PKD1L3: variants seen among roughly 807,000 people sequenced by gnomAD.
PKD1L3 encodes the protein polycystin-1-like protein 3.
PKD1L3 carries 239 observed loss-of-function variants against 184.1 expected under a neutral mutation model. That is an observed-to-expected ratio of 1.30 (90% CI 1.17 to 1.45). The LOEUF (loss-of-function observed/expected upper bound fraction) is 1.45, where lower values mean the gene tolerates loss of function less well. Among genes scored for constraint, PKD1L3 ranks in the 40% most tolerant of loss-of-function variants. The pLI, the probability that PKD1L3 is intolerant of heterozygous loss-of-function variation, is 0.00. For synonymous variants in PKD1L3, 996 were observed against 778.8 expected (o/e 1.28, Z -4.64); for missense variants, 2,660 against 2,067.2 (o/e 1.29, Z -5.56).
Position 71,933,495 on chromosome 16 carries a change from G to A in PKD1L3, c.4851C>T (p.Ile1617=), listed in dbSNP as rs764136474. The change falls in exon 28 of 30, where the codon ATC becomes ATT. Residue 1617 remains isoleucine, a synonymous_variant. Coordinates refer to ENST00000620267, the MANE Select transcript of PKD1L3 (RefSeq NM_181536.2). ...AGCTGAAAAATGTCCGGTAGTCAGA[G>A]ATGCTGCATCCAAACAGCAGGTTAA... The part of the protein sequence containing the change: ...IAFNLLFGCS[I]SDYRTFFSSA... 2.2e-5 allele frequency: 34 copies of A among 1,551,576 alleles called. No homozygotes were observed. Among genetic ancestry groups the A allele is most frequent in the Admixed American group, 9.8e-5 (5 of 50,978 alleles).
rs34696037 is a variant in PKD1L3, at chr16:71,940,129, T to TAC, written c.4324+2430_4324+2431insGT. On this transcript the variant is annotated intron_variant, in intron 24 of 29. Coordinates refer to ENST00000620267, the MANE Select transcript of PKD1L3 (RefSeq NM_181536.2). ...CATCAACTGAAAGTCAATATATATA[T>TAC]AAACAACAACTAGATTCCAAATTTC... Among the ~76,000 whole-genome samples the TAC allele has an allele frequency of 2.0e-5, 3 of 151,792 alleles. No homozygotes were observed. In the East Asian group the frequency reaches 5.8e-4, roughly 29 times the overall value.
At chr16:71,968,786 G>A (rs775126650) in intron 13 of PKD1L3, among the ~76,000 whole-genome samples, 1 of 152,120 alleles carries the variant, frequency 6.6e-6, no homozygotes, top group Admixed American at 6.6e-5. Flanking sequence ...AGTAGAGACA[G>A]GGTTTCACCA....
intron 24 of PKD1L3, among the ~76,000 whole-genome samples, chr16:71,940,483 C>G (rs2038323585): frequency 6.6e-6 from 1 of 152,006 alleles, no homozygotes; most frequent in Non-Finnish European, 1.5e-5. Context: ...TGCATGGGCA[C>G]AGAGCTTTGT....
At chr16:71,979,979 A>G (rs1290541472) in intron 8 of PKD1L3, 28 bp downstream of exon 8, 1 of 1,549,958 alleles carries the variant, frequency 6.5e-7, no homozygotes, top group East Asian at 2.4e-5. Context: ...ACACAGTGAA[A>G]CTCTCCCCGT....
At chr16:71,973,022 T>C (rs2039776842) in intron 12 of PKD1L3, among the ~76,000 whole-genome samples, 1 of 152,212 alleles carries the variant, frequency 6.6e-6, no homozygotes, top group East Asian at 1.9e-4. Flanking sequence ...CCACAACATA[T>C]TTAATACTTG....
intron 16 of PKD1L3, among the ~76,000 whole-genome samples, chr16:71,958,121 C>T (rs2039117275): frequency 1.3e-5 from 2 of 151,772 alleles, no homozygotes; most frequent in Non-Finnish European, 2.9e-5. Context: ...GGCGCGGTGG[C>T]TCACGCCTGT....
chr16:71,944,698 T>G (rs2038494416), intron 22 of PKD1L3, among the ~76,000 whole-genome samples: 1 of 70,018 alleles, frequency 1.4e-5, no homozygotes. Context: ...ATATCTGTTT[T>G]TTGTTTGTTT....
chr16:71,995,831 A>T (rs2040764277), intron 2 of PKD1L3, among the ~76,000 whole-genome samples: 1 of 152,236 alleles, frequency 6.6e-6, no homozygotes, highest in African/African-American at 2.4e-5. Context: ...TTATAAATAT[A>T]TACAGATTAT....
chr16:71,969,990 A>C lies in PKD1L3; in HGVS notation c.2069T>G (p.Leu690Arg). 1 of 1,551,776 alleles carries C rather than the reference A, an allele frequency of 6.4e-7. No homozygotes were observed. Among genetic ancestry groups the C allele is most frequent in the Non-Finnish European group, 8.7e-7 (1 of 1,147,022 alleles). ...RTVNVEDTIK[L>R]FLRVTNNPVG... is the part of the protein sequence containing the mutation. ...AGGATTGTTGGTCACGCGAAGGAACAGTTTGATCGTGTCTTCAACATTCAC... is the reference window on the plus strand; with the variant it reads ...AGGATTGTTGGTCACGCGAAGGAACCGTTTGATCGTGTCTTCAACATTCAC... Residue 690 changes from leucine to arginine, a missense_variant, in exon 13 of 30, where the codon CTG (leucine) becomes CGG (arginine). Coordinates refer to ENST00000620267, the MANE Select transcript of PKD1L3 (RefSeq NM_181536.2).
At position 71,979,824 on chromosome 16, in the gene PKD1L3, T is replaced by C. The variant is rs1442380966; in HGVS notation, c.1360A>G (p.Lys454Glu). 3 of 1,515,224 alleles carry C rather than the reference T, an allele frequency of 2.0e-6. No homozygotes were observed. The highest frequency in any genetic ancestry group is 2.6e-6 in the Non-Finnish European group (3 of 1,137,636). The allele number at this position is 1,515,224 out of a possible 1,614,324, so 93.9% of individuals were successfully genotyped here. A position where few individuals can be genotyped will look rare whatever the true frequency, so the allele number is the denominator to read the frequency against. ...RLGFPSALAL[K>E]ELLNKHPGVN... The stretch of plus-strand genomic sequence containing the variant: ...CCTGGATGTTTATTCAAGAGCTCCT[T>C]CAAAGCTAAAGCCGACGGAAAGCCT... The change falls in exon 9 of 30, where the codon AAG becomes GAG. Residue 454 changes from lysine to glutamate, a missense_variant. Coordinates refer to ENST00000620267, the MANE Select transcript of PKD1L3 (RefSeq NM_181536.2).
In PKD1L3 at chr16:71,982,168, T is replaced by C. The variant is rs370041301; in HGVS notation, c.1034A>G (p.Asn345Ser). ...ELLRIPFQNN[N>S]SLGFKVPPTV... is the part of the protein sequence containing the mutation. ...TGGAGGAACTTTGAAGCCCAGACTG[T>C]TGTTGTTCTGAAATGGGATCCTGAG... The change falls in exon 7 of 30, where the codon AAC becomes AGC. Residue 345 changes from asparagine to serine, a missense_variant. Transcript: ENST00000620267. 1 of 1,550,980 alleles carries C rather than the reference T, an allele frequency of 6.4e-7. No individual in the cohort carries two copies. Among genetic ancestry groups the C allele is most frequent in the Non-Finnish European group, 8.7e-7 (1 of 1,146,664 alleles).
chr16:71,974,933 T>C (rs1195330511), intron 11 of PKD1L3, among the ~76,000 whole-genome samples: 3 of 151,536 alleles, frequency 2.0e-5, no homozygotes, highest in Non-Finnish European at 4.4e-5. Context: ...TTCAGATTTT[T>C]CCCAACGTAA....
At chr16:71,980,377 C>A (rs901167553) in intron 7 of PKD1L3, among the ~76,000 whole-genome samples, 5 of 152,116 alleles carry the variant, frequency 3.3e-5, no homozygotes, top group Non-Finnish European at 5.9e-5. Flanking sequence ...CATATAATTG[C>A]CCTAGACCTG....
At chr16:71,932,666 A>G (rs1347413309) in intron 28 of PKD1L3, among the ~76,000 whole-genome samples, 1 of 150,728 alleles carries the variant, frequency 6.6e-6, no homozygotes, top group Non-Finnish European at 1.5e-5. Flanking sequence ...TTTATTAGAG[A>G]TGGGGTTTCA....
chr16:71,994,750 G>A (rs76015741), intron 2 of PKD1L3, among the ~76,000 whole-genome samples: 12,993 of 152,066 alleles, frequency 0.085, 750 homozygotes, highest in Middle Eastern at 0.13. Context: ...TGTAATCCCC[G>A]CACTTAGGGA....
chr16:71,932,461 C>A lies in PKD1L3; in HGVS notation c.4926+959G>T, dbSNP rs113572388. ...CTCTTAGAACTGTACCTTCCTAATT[C>A]TTTGTCACTTCCATTATGTCACTTT... On this transcript the variant is annotated intron_variant, in intron 28 of 29. Transcript: ENST00000620267. Among the ~76,000 whole-genome samples, 66 of 151,462 alleles carry A rather than the reference C, an allele frequency of 4.4e-4. 1 individual carries two copies. Among genetic ancestry groups the A allele is most frequent in the African/African-American group, 1.5e-3 (60 of 41,118 alleles).
At chr16:71,946,503 T>C (rs1301431582) in intron 22 of PKD1L3, among the ~76,000 whole-genome samples, 1 of 151,910 alleles carries the variant, frequency 6.6e-6, no homozygotes, top group African/African-American at 2.4e-5. Context: ...TTGCCCAAGA[T>C]TGTGTTTGTG....
chr16:71,934,098 T>C lies in PKD1L3; in HGVS notation c.4641A>G (p.Lys1547=), dbSNP rs1454321041. 3.2e-6 allele frequency: 5 copies of C among 1,551,920 alleles called. No homozygotes were observed. The South Asian group carries it at 5.9e-5, about 18-fold the overall frequency. ...CAAGGTGAGTCGCAGCAGAGTTCACTTTTACTGCCTCATAGAAGCTGATGA... is the reference window on the plus strand; with the variant it reads ...CAAGGTGAGTCGCAGCAGAGTTCACCTTTACTGCCTCATAGAAGCTGATGA... ...DRFISFYEAV[K]VNSAATHLVG... is the part of the protein sequence containing the mutation. The change falls in exon 27 of 30, where the codon AAA becomes AAG. Residue 1547 remains lysine (K), a synonymous_variant. Transcript: ENST00000620267.
rs923998566 is a variant in PKD1L3, at chr16:71,987,073, C to A, written c.586-604G>T. 2.0e-5 allele frequency among the ~76,000 whole-genome samples: 3 copies of A among 151,290 alleles called. No individual in the cohort carries two copies. The South Asian group carries it at 6.3e-4, about 32-fold the overall frequency. ...CTCAGTAGCTGGGATTACAGGCGTG[C>A]ACCACCATGCCCGGCTAATTTTTGT... On this transcript the variant is annotated intron_variant, in intron 4 of 29. Transcript: ENST00000620267.
Sources: allele counts gnomAD v4.1 joint callset (sites outside exome capture counted in the v4.1 genomes callset), GRCh38; gene constraint gnomAD v4.1.1; transcripts MANE v1.5; gene names NCBI Gene and HGNC (gene_info 2026-07-23, HGNC 2026-07-21).